The following TSC1 variants were observed in gnomAD, a reference collection of about 807,000 sequenced individuals.
TSC1 encodes hamartin.
A neutral mutation model predicts 124.3 loss-of-function variants in TSC1; 20 were observed. The ratio of observed to expected loss-of-function variants is 0.16; its 90% CI spans 0.11 to 0.23. The LOEUF is 0.23. Among genes scored for constraint, TSC1 ranks in the 10% least tolerant of loss-of-function variants. TSC1 has a pLI of 1.00. For missense variants in TSC1, 1,124 were observed against 1,448.5 expected, an observed-to-expected ratio of 0.78 and a Z score of 3.64; for synonymous variants, 493 against 539.1, an observed-to-expected ratio of 0.91 and a Z score of 1.19.
chr9:132,944,847 A>C (rs1273965269), upstream of TSC1: 2 of 360,428 alleles, frequency 5.5e-6, no homozygotes, highest in African/African-American at 4.2e-5. Flanking sequence ...AGGATCCGAA[A>C]GGAGGCTGCG....
At position 132,921,940 on chromosome 9, in the gene TSC1, T is replaced by C. The variant is rs397515294; in HGVS notation, c.542A>G (p.His181Arg). 1.4e-5 allele frequency: 23 copies of C among 1,614,122 alleles called. No individual in the cohort carries two copies. Among genetic ancestry groups the C allele is most frequent in the Non-Finnish European group, 1.9e-5 (22 of 1,180,008 alleles). The change falls in exon 7 of 23, where the codon CAT (histidine) becomes CGT (arginine). Residue 181 changes from histidine (H) to arginine (R), a missense_variant. By Grantham distance (29) the His-to-Arg change is conservative. Coordinates refer to ENST00000298552, the MANE Select transcript of TSC1 (RefSeq NM_000368.5). This position sits in a 1 kb window ranked among gnomAD's most constrained non-coding sequence, Gnocchi z 4.3. ...ATGAAAGAGTGCGTACACACTGGCATGGAGATGGACGAGATAGACTTCCGC... is the reference window on the plus strand; with the variant it reads ...ATGAAAGAGTGCGTACACACTGGCACGGAGATGGACGAGATAGACTTCCGC... ...HVAEVYLVHL[H>R]ASVYALFHRL... is the part of the protein sequence containing the mutation.
chr9:132,905,014 C>T (rs1845579915), intron 15 of TSC1, among the ~76,000 whole-genome samples: 1 of 152,144 alleles, frequency 6.6e-6, no homozygotes, highest in African/African-American at 2.4e-5. Flanking sequence ...TCCCCAAGCA[C>T]CTGTAAAGTA....
At chr9:132,907,280 G>A (rs751727349) in intron 13 of TSC1, 21 bp downstream of exon 13, 7 of 1,606,640 alleles carry the variant, frequency 4.4e-6, no homozygotes, top group Non-Finnish European at 6.0e-6. Context: ...AGCAAGGCCT[G>A]TAGTAACGCA....
At position 132,921,785 on chromosome 9, in the gene TSC1, C is replaced by T. The variant is rs372116900; in HGVS notation, c.663+34G>A. The T allele has an allele frequency of 1.2e-6, 2 of 1,613,292 alleles. No individual in the cohort carries two copies. The highest frequency in any genetic ancestry group is 1.7e-6 in the Non-Finnish European group (2 of 1,179,566). On this transcript the variant is annotated intron_variant, in intron 7 of 22. Transcript: ENST00000298552. The surrounding 1 kb of genome is among the most constrained non-coding windows in gnomAD (Gnocchi z 4.3). ...AAATGCAGCCTATCTAAACAGTATA[C>T]TAAGTAGCAAACAAACAAGCAGTTT...
chr9:132,935,340 G>A (rs1847402916), intron 1 of TSC1, among the ~76,000 whole-genome samples: 1 of 152,222 alleles, frequency 6.6e-6, no homozygotes, highest in Non-Finnish European at 1.5e-5. Flanking sequence ...TTTTGTTAAT[G>A]TCTGTTAGAG....
chr9:132,900,168 C>T (rs537684104), intron 20 of TSC1: 196 of 168,496 alleles, frequency 1.2e-3, no homozygotes, highest in Middle Eastern at 9.5e-3. Flanking sequence ...TATTAAAATT[C>T]AATTCCCACC....
Position 132,927,112 on chromosome 9 carries a change from A to C in TSC1, c.210+89T>G, listed in dbSNP as rs574078037. The C allele has an allele frequency of 2.4e-5, 30 of 1,261,202 alleles. No individual in the cohort carries two copies. The South Asian group carries it at 3.3e-4, about 14-fold the overall frequency. 78.1% of individuals were successfully genotyped at this position (1,261,202 alleles called of 1,614,324 possible). A position where few individuals can be genotyped will look rare whatever the true frequency, so the allele number is the denominator to read the frequency against. On this transcript the variant is annotated intron_variant, in intron 4 of 22. Transcript: ENST00000298552. ...GTGGCGCACAGAAATCAAAAGAATAAGCTCAGGACAAGTTGCACAGTGGCC... is the reference window on the plus strand; with the variant it reads ...GTGGCGCACAGAAATCAAAAGAATACGCTCAGGACAAGTTGCACAGTGGCC...
At chr9:132,932,261 T>G (rs1847241724) in intron 2 of TSC1, among the ~76,000 whole-genome samples, 1 of 152,232 alleles carries the variant, frequency 6.6e-6, no homozygotes, top group African/African-American at 2.4e-5. Flanking sequence ...TCCATCACTC[T>G]GCCATCTTCT....
At chr9:132,931,954 G>C (rs575653399) in intron 2 of TSC1, among the ~76,000 whole-genome samples, 21 of 152,308 alleles carry the variant, frequency 1.4e-4, no homozygotes, top group African/African-American at 5.1e-4. Flanking sequence ...GCTGAGAAAA[G>C]TCAATTAAAG....
Position 132,921,061 on chromosome 9 carries a change from T to A in TSC1, c.737+302A>T, listed in dbSNP as rs1846522396. ...ATTGTTTTTCTGCAGTCCCCTTGTT[T>A]TTAGCCATATGCTTCACCTCCTGCA... On this transcript the variant is annotated intron_variant, in intron 8 of 22. Coordinates refer to ENST00000298552, the MANE Select transcript of TSC1 (RefSeq NM_000368.5). This position sits in a 1 kb window ranked among gnomAD's most constrained non-coding sequence, Gnocchi z 4.3. 6.6e-6 allele frequency among the ~76,000 whole-genome samples: 1 copy of A among 152,064 alleles called. No individual in the cohort carries two copies. The highest frequency in any genetic ancestry group is 2.4e-5 in the African/African-American group (1 of 41,418).
At chr9:132,927,140 G>T in intron 4 of TSC1, 61 bp downstream of exon 4, 2 of 1,514,178 alleles carry the variant, frequency 1.3e-6, no homozygotes, top group Non-Finnish European at 1.8e-6. Context: ...CAGTGGCCGT[G>T]CACAGAAGCT....
rs57259325 is a variant in TSC1, at chr9:132,927,521, C to CTTTTTTTT, written c.107-225_107-218dup. 3.8e-5 allele frequency among the ~76,000 whole-genome samples: 4 copies of CTTTTTTTT among 103,930 alleles called. 1 individual carries two copies. The highest frequency in any genetic ancestry group is 7.3e-5 in the Non-Finnish European group (4 of 54,466). The allele number at this position is 103,930 out of a possible 152,430, so 68.2% of individuals were successfully genotyped here. On this transcript the variant is annotated intron_variant, in intron 3 of 22. Coordinates refer to ENST00000298552, the MANE Select transcript of TSC1 (RefSeq NM_000368.5). Reference sequence around the variant, plus strand: ...AAACATATGAAGTCATTTTTATTGCCTTTTTTTTTTTTTTTTTTTTGAGAT... The same window carrying CTTTTTTTT: ...AAACATATGAAGTCATTTTTATTGCCTTTTTTTTTTTTTTTTTTTTTTTTTTTTGAGAT...
Position 132,905,699 on chromosome 9 carries a change from G to C in TSC1, c.1879C>G (p.Leu627Val), listed in dbSNP as rs1171110012. 6.2e-7 allele frequency: 1 copy of C among 1,614,172 alleles called. No individual in the cohort carries two copies. Among genetic ancestry groups the C allele is most frequent in the Non-Finnish European group, 8.5e-7 (1 of 1,180,032 alleles). The change falls in exon 15 of 23, where the codon CTG (leucine) becomes GTG (valine). Residue 627 changes from leucine to valine, a missense_variant. Coordinates refer to ENST00000298552, the MANE Select transcript of TSC1 (RefSeq NM_000368.5). ...HHFVIRKTEE[L>V]LKKAKGNTEE... The stretch of plus-strand genomic sequence containing the variant: ...GTGTTTCCTTTTGCTTTCTTTAACA[G>C]CTCCTCAGTCTTCCTGATGACAAAA...
chr9:132,892,849 A>C lies in TSC1; in HGVS notation c.*3386T>G, dbSNP rs540869574. 1 of 233,114 alleles carries C rather than the reference A, an allele frequency of 4.3e-6. No homozygotes were observed. The highest frequency in any genetic ancestry group is 8.5e-6 in the Non-Finnish European group (1 of 118,064). 14.4% of individuals were successfully genotyped at this position (233,114 alleles called of 1,614,324 possible). Reference sequence around the variant, plus strand: ...CCTCTGTGGTCTCAGAGATCCTTTCATCCCCATGACCATTTTATACATCCT... The same window carrying C: ...CCTCTGTGGTCTCAGAGATCCTTTCCTCCCCATGACCATTTTATACATCCT... On this transcript the variant is annotated 3_prime_UTR_variant, in exon 23 of 23. Coordinates refer to ENST00000298552, the MANE Select transcript of TSC1 (RefSeq NM_000368.5).
chr9:132,904,849 C>A (rs1340265406), intron 15 of TSC1, among the ~76,000 whole-genome samples: 3 of 152,210 alleles, frequency 2.0e-5, no homozygotes, highest in African/African-American at 7.2e-5. Context: ...GGAGTACACT[C>A]TGTTGTAAAG....
Position 132,903,707 on chromosome 9 carries a change from G to A in TSC1, c.2152C>T (p.Arg718Trp), listed in dbSNP as rs1445358121. 1 of 1,612,956 alleles carries A rather than the reference G, an allele frequency of 6.2e-7. No homozygotes were observed. Reference protein sequence around the residue: ...KRQQHALRNRRLLRKVIKAAA... With the variant: ...KRQQHALRNRWLLRKVIKAAA... Reference sequence around the variant, plus strand: ...GCTTTGATCACCTTGCGGAGGAGCCGCCTGTTCCGGAGGGCATGCTGCTGC... The same window carrying A: ...GCTTTGATCACCTTGCGGAGGAGCCACCTGTTCCGGAGGGCATGCTGCTGC... The change falls in exon 17 of 23, where the codon CGG becomes TGG. Residue 718 changes from arginine to tryptophan, a missense_variant. Arg to Trp is a moderately radical substitution (Grantham distance 101). Transcript: ENST00000298552. This position sits in a 1 kb window ranked among gnomAD's most constrained non-coding sequence, Gnocchi z 5.9.
chr9:132,896,897 A>T lies in TSC1; in HGVS notation c.2976-143T>A, dbSNP rs1364501270. 3.6e-6 allele frequency: 5 copies of T among 1,381,800 alleles called. No homozygotes were observed. The East Asian group carries it at 9.2e-5, about 25-fold the overall frequency. 85.6% of individuals were successfully genotyped at this position (1,381,800 alleles called of 1,614,324 possible). ...TGTTTTATAATACTGGACTCAAGAG[A>T]TCTCATCAAGAGAAACCTAAATCAC... On this transcript the variant is annotated intron_variant, in intron 22 of 22. Coordinates refer to ENST00000298552, the MANE Select transcript of TSC1 (RefSeq NM_000368.5). The surrounding 1 kb of genome is among the most constrained non-coding windows in gnomAD (Gnocchi z 4.5).
Position 132,894,396 on chromosome 9 carries a change from C to T in TSC1, c.*1839G>A, listed in dbSNP as rs1170523556. 1.3e-5 allele frequency: 3 copies of T among 229,788 alleles called. No individual in the cohort carries two copies. Among genetic ancestry groups the T allele is most frequent in the Non-Finnish European group, 1.7e-5 (2 of 115,628 alleles). 14.2% of individuals were successfully genotyped at this position (229,788 alleles called of 1,614,324 possible). A position where few individuals can be genotyped will look rare whatever the true frequency, so the allele number is the denominator to read the frequency against. Reference sequence around the variant, plus strand: ...TTCCTTCCCTTTCTAAGTTTGTTCACGTTTTCCTTTTCTAAAACGGAACCA... The same window carrying T: ...TTCCTTCCCTTTCTAAGTTTGTTCATGTTTTCCTTTTCTAAAACGGAACCA... On this transcript the variant is annotated 3_prime_UTR_variant, in exon 23 of 23. Transcript: ENST00000298552.
chr9:132,927,465 A>G (rs1295553073), intron 3 of TSC1, among the ~76,000 whole-genome samples, 161 bp from the exon 4 acceptor site: 3 of 150,678 alleles, frequency 2.0e-5, no homozygotes, highest in African/African-American at 7.3e-5. Context: ...ATAATAAGAT[A>G]TTCCAAGCTT....
Sources: allele counts gnomAD v4.1 joint callset (sites outside exome capture counted in the v4.1 genomes callset), GRCh38; gene constraint gnomAD v4.1.1; non-coding constraint Gnocchi (gnomAD v3.1); transcripts MANE v1.5; gene names NCBI Gene and HGNC (gene_info 2026-07-23, HGNC 2026-07-21).